Variants in STARD9 observed in about 807,000 individuals in gnomAD.
STARD9 encodes the protein StAR related lipid transfer domain containing 9.
A neutral mutation model predicts 399.8 loss-of-function variants in STARD9; 346 were observed. The ratio of observed to expected loss-of-function variants is 0.87; its 90% CI spans 0.79 to 0.95. STARD9 has a LOEUF of 0.95. Ranked by LOEUF, STARD9 falls within the 40% of genes least tolerant of loss-of-function variation. The pLI, the probability that STARD9 is intolerant of heterozygous loss-of-function variation, is 0.00. For synonymous variants in STARD9, 2,203 were observed against 2,143.5 expected (o/e 1.03, Z -0.77); for missense variants, 5,832 against 5,667.5 (o/e 1.03, Z -0.93).
chr15:42,632,073 C>G lies in STARD9; in HGVS notation c.235-2783C>G, dbSNP rs140413699. ...TCCAGCTATTACGGTATTGAGGTCT[C>G]TCTCTCTTTAGCTCTAATAATATTT... On this transcript the variant is annotated intron_variant, in intron 3 of 32. Transcript: ENST00000290607. 2.5e-3 allele frequency among the ~76,000 whole-genome samples: 373 copies of G among 152,204 alleles called. 3 individuals are homozygous for G. Among genetic ancestry groups the G allele is most frequent in the Non-Finnish European group, 4.2e-3 (288 of 68,016 alleles).
In STARD9 at chr15:42,694,248, G is replaced by T; in HGVS notation, c.12670G>T (p.Ala4224Ser). ...EAKLHHGFGE[A>S]DALLQVLQSG... Reference sequence around the variant, plus strand: ...GAAACTGCACCATGGCTTTGGGGAGGCCGATGCCCTGCTCCAGGTGCTGCA... The same window carrying T: ...GAAACTGCACCATGGCTTTGGGGAGTCCGATGCCCTGCTCCAGGTGCTGCA... Residue 4224 changes from alanine (A) to serine (S), a missense_variant, in exon 23 of 33, where the codon GCC (alanine) becomes TCC (serine). Ala to Ser is a moderately conservative substitution (Grantham distance 99). Transcript: ENST00000290607. 6.5e-7 allele frequency: 1 copy of T among 1,531,248 alleles called. No homozygotes were observed. The highest frequency in any genetic ancestry group is 8.7e-7 in the Non-Finnish European group (1 of 1,143,790). The allele number at this position is 1,531,248 out of a possible 1,614,324, so 94.9% of individuals were successfully genotyped here. A position where few individuals can be genotyped will look rare whatever the true frequency, so the allele number is the denominator to read the frequency against.
chr15:42,688,065 C>T lies in STARD9; in HGVS notation c.6487C>T (p.Pro2163Ser). Reference sequence around the variant, plus strand: ...AAGGGAAGGTGTACGAGAGAGTGAACCTGTGAGAGAGCACACCCACCCAGC... The same window carrying T: ...AAGGGAAGGTGTACGAGAGAGTGAATCTGTGAGAGAGCACACCCACCCAGC... ...RSREGVRESE[P>S]VREHTHPAGS... The change falls in exon 23 of 33, where the codon CCT becomes TCT. Residue 2163 changes from proline to serine, a missense_variant. By Grantham distance (74) the Pro-to-Ser change is moderately conservative. Around this residue, in one of 2 missense-constraint regions of STARD9, gnomAD observed 5,828 missense variants for 5,651.1 expected, o/e 1.03. Transcript: ENST00000290607. The T allele has an allele frequency of 6.5e-7, 1 of 1,537,424 alleles. No homozygotes were observed. Among genetic ancestry groups the T allele is most frequent in the East Asian group, 2.4e-5 (1 of 40,916 alleles).
chr15:42,596,448 A>G (rs1042081530), intron 3 of STARD9, among the ~76,000 whole-genome samples: 5 of 152,202 alleles, frequency 3.3e-5, no homozygotes, highest in African/African-American at 9.7e-5. Flanking sequence ...TTTGGACAAA[A>G]TGATTTGCAA....
At chr15:42,625,816 C>T (rs2059195196) in intron 3 of STARD9, among the ~76,000 whole-genome samples, 1 of 151,896 alleles carries the variant, frequency 6.6e-6, no homozygotes, top group African/African-American at 2.4e-5. Context: ...AATAACTAAC[C>T]TCTCTCTCAG....
chr15:42,675,107 G>C (rs2060282654), intron 18 of STARD9, 143 bp downstream of exon 18: 4 of 913,250 alleles, frequency 4.4e-6, no homozygotes, highest in South Asian at 2.4e-5. Context: ...TTTCTAATAT[G>C]ATCCTATTCC....
Position 42,688,673 on chromosome 15 carries a change from A to C in STARD9, c.7095A>C (p.Thr2365=). 3 of 1,537,618 alleles carry C rather than the reference A, an allele frequency of 2.0e-6. No homozygotes were observed. The South Asian group carries it at 3.6e-5, about 18-fold the overall frequency. ...CACTTGACTGTGTGCTGGATCTCAC[A>C]ATGTTGAAAATTCATAACAGTCCCT... is the stretch of plus-strand genomic sequence containing the variant. ...ISSLDCVLDL[T]MLKIHNSPLV... The change falls in exon 23 of 33, where the codon ACA becomes ACC. Residue 2365 remains threonine (T), a synonymous_variant. Transcript: ENST00000290607.
At chr15:42,705,804 G>A (rs2061063786) in intron 26 of STARD9, among the ~76,000 whole-genome samples, 1 of 151,948 alleles carries the variant, frequency 6.6e-6, no homozygotes, top group South Asian at 2.1e-4. Context: ...TCGGGCTGGA[G>A]TGCAGGGGCG....
chr15:42,616,634 G>C (rs1026581520), intron 3 of STARD9, among the ~76,000 whole-genome samples: 8 of 152,110 alleles, frequency 5.3e-5, no homozygotes, highest in African/African-American at 1.9e-4. Flanking sequence ...GCCCATACCT[G>C]TAATCCCAGC....
rs1276964633 is a variant in STARD9 at position 42,688,954 on chromosome 15, G to A, written c.7376G>A (p.Ser2459Asn). ...LRITLLGFSTSEDFASEAEVA... is the reference protein window; with the variant it reads ...LRITLLGFSTNEDFASEAEVA... ...ATCACCTTGCTGGGTTTCAGTACCA[G>A]TGAAGATTTTGCTTCTGAAGCCGAG... Residue 2459 changes from serine to asparagine, a missense_variant, in exon 23 of 33, where the codon AGT (serine) becomes AAT (asparagine). By Grantham distance (46) the Ser-to-Asn change is conservative. Transcript: ENST00000290607. 2.0e-6 allele frequency: 3 copies of A among 1,537,454 alleles called. No individual in the cohort carries two copies. In the Admixed American group the frequency reaches 5.9e-5, roughly 30 times the overall value.
intron 16 of STARD9, chr15:42,670,914 G>A (rs894160581): frequency 6.6e-6 from 1 of 152,166 alleles, no homozygotes; most frequent in Non-Finnish European, 1.5e-5. Flanking sequence ...CACAGAGAGA[G>A]GTTGGAGGTC....
At chr15:42,705,217 G>C (rs1455973792) in intron 26 of STARD9, among the ~76,000 whole-genome samples, 1 of 152,204 alleles carries the variant, frequency 6.6e-6, no homozygotes, top group Non-Finnish European at 1.5e-5. Flanking sequence ...GGTTGGGGAA[G>C]GGTTGGTACA....
chr15:42,615,998 C>A (rs778490026), intron 3 of STARD9, among the ~76,000 whole-genome samples: 1 of 151,788 alleles, frequency 6.6e-6, no homozygotes, highest in Non-Finnish European at 1.5e-5. Context: ...TATTTGAGTA[C>A]TTCAATGAGT....
chr15:42,712,081 T>TATAA (rs57090140), intron 26 of STARD9, among the ~76,000 whole-genome samples: 2 of 39,154 alleles, frequency 5.1e-5, no homozygotes, highest in Non-Finnish European at 7.3e-5. Flanking sequence ...TATATATATA[T>TATAA]TATATATATA....
At chr15:42,622,338 G>A (rs1029266915) in intron 3 of STARD9, among the ~76,000 whole-genome samples, 1 of 151,550 alleles carries the variant, frequency 6.6e-6, no homozygotes. Context: ...CCTGTAGCTC[G>A]CTCTCTCTCT....
chr15:42,687,811 C>A lies in STARD9; in HGVS notation c.6233C>A (p.Pro2078Gln). The A allele has an allele frequency of 6.5e-7, 1 of 1,537,430 alleles. No homozygotes were observed. Among genetic ancestry groups the A allele is most frequent in the Non-Finnish European group, 8.7e-7 (1 of 1,147,016 alleles). Reference sequence around the variant, plus strand: ...AAGCAGGTTCATGCTTCCCACACACCAGGAACCGATAAGGAGTTGGTGTTC... The same window carrying A: ...AAGCAGGTTCATGCTTCCCACACACAAGGAACCGATAAGGAGTTGGTGTTC... ...QNKQVHASHT[P>Q]GTDKELVFQD... The change falls in exon 23 of 33, where the codon CCA becomes CAA. Residue 2078 changes from proline to glutamine, a missense_variant. Transcript: ENST00000290607.
At chr15:42,624,011 A>G (rs1428641297) in intron 3 of STARD9, among the ~76,000 whole-genome samples, 3 of 152,246 alleles carry the variant, frequency 2.0e-5, no homozygotes, top group Non-Finnish European at 4.4e-5. Context: ...AGACCCAAAG[A>G]TGAATGGCCT....
In STARD9 at chr15:42,627,456, G is replaced by A. The variant is rs544756017; in HGVS notation, c.235-7400G>A. Among the ~76,000 whole-genome samples the A allele has an allele frequency of 3.9e-5, 6 of 152,228 alleles. No homozygotes were observed. The South Asian group carries it at 1.0e-3, about 26-fold the overall frequency. On this transcript the variant is annotated intron_variant, in intron 3 of 32. Transcript: ENST00000290607. Reference sequence around the variant, plus strand: ...CTTTCTTTATGTTACAAACATTCCCGTTATGCTCTTAAAGTTATTTTGAAA... The same window carrying A: ...CTTTCTTTATGTTACAAACATTCCCATTATGCTCTTAAAGTTATTTTGAAA...
chr15:42,690,496 C>G lies in STARD9; in HGVS notation c.8918C>G (p.Thr2973Ser), dbSNP rs1468151259. 1 of 1,537,092 alleles carries G rather than the reference C, an allele frequency of 6.5e-7. No homozygotes were observed. The highest frequency in any genetic ancestry group is 8.7e-7 in the Non-Finnish European group (1 of 1,146,918). Residue 2973 changes from threonine to serine, a missense_variant, in exon 23 of 33, where the codon ACT (threonine) becomes AGT (serine). Thr to Ser is a moderately conservative substitution (Grantham distance 58). Coordinates refer to ENST00000290607, the MANE Select transcript of STARD9 (RefSeq NM_020759.3). ...ATHAYSSHSSTLLCFRDGDLG... is the reference protein window; with the variant it reads ...ATHAYSSHSSSLLCFRDGDLG... Reference sequence around the variant, plus strand: ...CATGCTTATTCCTCCCATTCCTCTACTTTACTGTGTTTTAGAGATGGTGAC... The same window carrying G: ...CATGCTTATTCCTCCCATTCCTCTAGTTTACTGTGTTTTAGAGATGGTGAC...
intron 3 of STARD9, among the ~76,000 whole-genome samples, chr15:42,589,380 C>T (rs887150423): frequency 2.0e-5 from 3 of 152,126 alleles, no homozygotes; most frequent in African/African-American, 7.2e-5. Context: ...TACAGTAACA[C>T]ATTCAGGTGT....
Sources: allele counts gnomAD v4.1 joint callset (sites outside exome capture counted in the v4.1 genomes callset), GRCh38; gene constraint gnomAD v4.1.1; regional missense constraint gnomAD v4.1.1; transcripts MANE v1.5; gene names NCBI Gene and HGNC (gene_info 2026-07-23, HGNC 2026-07-21).